Variants in TECRL observed in about 807,000 individuals in gnomAD.
TECRL encodes trans-2,3-enoyl-CoA reductase-like.
A neutral mutation model predicts 52.8 loss-of-function variants in TECRL; 63 were observed. That is an observed-to-expected ratio of 1.19 (90% CI 0.97 to 1.47). The LOEUF is 1.47. TECRL is among the 40% of genes most tolerant of loss of function. The probability of loss-of-function intolerance (pLI) is 0.00; values close to 1 mark genes in which losing one functional copy is unlikely to be tolerated. For missense variants in TECRL, 482 were observed against 429.6 expected (o/e 1.12, Z -1.08); for synonymous variants, 164 against 141.9 (o/e 1.16, Z -1.10).
At chr4:64,397,834 C>T (rs1156804132) in intron 1 of TECRL, 1 of 151,856 alleles carries the variant, frequency 6.6e-6, no homozygotes, top group Non-Finnish European at 1.5e-5. Context: ...ATTTTTGTTA[C>T]AGTAGCTCAA....
At chr4:64,338,531 C>A (rs1044102725) in intron 2 of TECRL, among the ~76,000 whole-genome samples, 1 of 152,084 alleles carries the variant, frequency 6.6e-6, no homozygotes, top group East Asian at 1.9e-4. Flanking sequence ...GCAATCTGCT[C>A]ATCTGACAAA....
At chr4:64,353,646 G>C (rs1720552470) in intron 2 of TECRL, among the ~76,000 whole-genome samples, 2 of 152,112 alleles carry the variant, frequency 1.3e-5, no homozygotes, top group African/African-American at 4.8e-5. Flanking sequence ...TGAAGTATCT[G>C]CAAGATACTA....
intron 8 of TECRL, among the ~76,000 whole-genome samples, chr4:64,294,522 G>A (rs1256613046): frequency 1.3e-5 from 2 of 151,988 alleles, no homozygotes; most frequent in East Asian, 3.9e-4. Context: ...AGGTACCGAC[G>A]AAGAAACATG....
At chr4:64,399,406 G>C (rs904386486) in intron 1 of TECRL, among the ~76,000 whole-genome samples, 6 of 152,188 alleles carry the variant, frequency 3.9e-5, no homozygotes, top group African/African-American at 1.4e-4. Context: ...AGAGTTTTTT[G>C]AGAAGTAATT....
intron 1 of TECRL, among the ~76,000 whole-genome samples, chr4:64,380,973 T>C (rs866010150): frequency 6.6e-6 from 1 of 152,098 alleles, no homozygotes; most frequent in African/African-American, 2.4e-5. Context: ...AATTTGTAGA[T>C]TGCTTTGGGT....
intron 2 of TECRL, among the ~76,000 whole-genome samples, chr4:64,335,956 T>A (rs971294687): frequency 2.0e-5 from 3 of 152,102 alleles, no homozygotes; most frequent in African/African-American, 7.2e-5. Context: ...ATGTTCATCA[T>A]GGATATTGGT....
chr4:64,346,422 G>T (rs989520041), intron 2 of TECRL, among the ~76,000 whole-genome samples: 2 of 152,204 alleles, frequency 1.3e-5, no homozygotes, highest in Admixed American at 6.5e-5. Flanking sequence ...TAGACATCCG[G>T]GGGTTTCCAT....
At position 64,298,458 on chromosome 4, in the gene TECRL, T is replaced by C. The variant is rs142624169; in HGVS notation, c.774+1516A>G. ...TAATTGCAAGCTATTAGAATTTTGC[T>C]TATGTCTAATTATGCCTCTTAACAT... On this transcript the variant is annotated intron_variant, in intron 8 of 11. Transcript: ENST00000381210. Among the ~76,000 whole-genome samples the C allele has an allele frequency of 3.5e-3, 524 of 151,362 alleles. 3 individuals are homozygous for C. Among genetic ancestry groups the C allele is most frequent in the African/African-American group, 0.012 (504 of 41,502 alleles).
intron 2 of TECRL, among the ~76,000 whole-genome samples, chr4:64,358,370 G>C (rs1417086160): frequency 6.6e-6 from 1 of 151,664 alleles, no homozygotes; most frequent in Admixed American, 6.6e-5. Flanking sequence ...GCCTTCTTAT[G>C]GAGGCAGTTA....
chr4:64,348,419 A>G (rs1047161045), intron 2 of TECRL, among the ~76,000 whole-genome samples: 3 of 152,110 alleles, frequency 2.0e-5, no homozygotes, highest in African/African-American at 7.2e-5. Flanking sequence ...TCAAGGCAAG[A>G]TTTGTGTGGG....
intron 2 of TECRL, among the ~76,000 whole-genome samples, chr4:64,331,917 G>A (rs1019062294): frequency 3.9e-5 from 6 of 151,972 alleles, no homozygotes; most frequent in Non-Finnish European, 7.4e-5. Flanking sequence ...ACAATAATAA[G>A]CAAAAAAAGT....
chr4:64,283,450 T>C (rs981423332), intron 9 of TECRL, among the ~76,000 whole-genome samples: 2 of 152,082 alleles, frequency 1.3e-5, no homozygotes, highest in African/African-American at 2.4e-5. Context: ...AGACAGCTAA[T>C]GGTACAGGGT....
chr4:64,354,023 C>T (rs984714137), intron 2 of TECRL, among the ~76,000 whole-genome samples: 6 of 151,982 alleles, frequency 3.9e-5, no homozygotes, highest in African/African-American at 7.2e-5. Context: ...TATGCCACGT[C>T]AAATGCAGTT....
intron 2 of TECRL, among the ~76,000 whole-genome samples, chr4:64,374,409 A>T (rs1183820294): frequency 1.3e-5 from 2 of 150,704 alleles, no homozygotes; most frequent in Non-Finnish European, 3.0e-5. Context: ...TTTTCCAGAA[A>T]TTCTTTTTAT....
intron 9 of TECRL, among the ~76,000 whole-genome samples, chr4:64,285,817 A>G (rs1723051083): frequency 6.6e-6 from 1 of 152,032 alleles, no homozygotes. Flanking sequence ...ATGCCCAGAG[A>G]AGTTTGCTCA....
At chr4:64,390,430 CA>C (rs941601251) in intron 1 of TECRL, among the ~76,000 whole-genome samples, 9 of 151,730 alleles carry the variant, frequency 5.9e-5, no homozygotes, top group African/African-American at 2.2e-4. Context: ...AGCATATAAG[CA>C]GAAGTTTTAA....
intron 2 of TECRL, among the ~76,000 whole-genome samples, chr4:64,350,317 G>A (rs184505157): frequency 2.8e-4 from 42 of 152,256 alleles, no homozygotes; most frequent in African/African-American, 9.6e-4. Context: ...TCAGAAAAAT[G>A]TCCTGTGGAT....
rs908299919 is a variant in TECRL at position 64,292,381 on chromosome 4, C to T, written c.775-2614G>A. Among the ~76,000 whole-genome samples the T allele has an allele frequency of 1.8e-4, 28 of 151,874 alleles. 1 individual carries two copies. Among genetic ancestry groups the T allele is most frequent in the Admixed American group, 1.6e-3 (24 of 15,212 alleles). ...ATCTTACATAATAAAACATGAGATG[C>T]TACGTATTACCTATGTGTGTCCCTT... On this transcript the variant is annotated intron_variant, in intron 8 of 11. Transcript: ENST00000381210.
intron 2 of TECRL, among the ~76,000 whole-genome samples, chr4:64,335,933 A>G (rs1030901494): frequency 1.3e-5 from 2 of 152,062 alleles, no homozygotes; most frequent in South Asian, 2.1e-4. Flanking sequence ...TTTTATTGAG[A>G]ATTTTTGCAT....
Sources: allele counts gnomAD v4.1 joint callset (sites outside exome capture counted in the v4.1 genomes callset), GRCh38; gene constraint gnomAD v4.1.1; transcripts MANE v1.5; gene names NCBI Gene and HGNC (gene_info 2026-07-23, HGNC 2026-07-21).